Variants in CALN1 observed in about 807,000 individuals in gnomAD.
CALN1 encodes calcium-binding protein 8.
A neutral mutation model predicts 30.6 loss-of-function variants in CALN1; 17 were observed. The observed-to-expected ratio is 0.56, with a 90% CI of 0.38 to 0.83. The LOEUF (loss-of-function observed/expected upper bound fraction) is 0.83, where lower values mean the gene tolerates loss of function less well. Among genes scored for constraint, CALN1 ranks in the 40% least tolerant of loss-of-function variants. The pLI is 0.00. For missense variants in CALN1, 291 were observed against 354.9 expected (o/e 0.82, Z 1.45); for synonymous variants, 156 against 131.4 (o/e 1.19, Z -1.28).
At chr7:71,801,428 G>GTATCTATCTATCTATC (rs58500083) in intron 6 of CALN1, among the ~76,000 whole-genome samples, 1,667 of 87,644 alleles carry the variant, frequency 0.019, 35 homozygotes, top group Middle Eastern at 0.025. Context: ...ATGTATGTAT[G>GTATCTATCTATCTATC]TATCTATCTA....
At chr7:71,810,099 A>G (rs898248161) in intron 6 of CALN1, among the ~76,000 whole-genome samples, 3 of 152,144 alleles carry the variant, frequency 2.0e-5, no homozygotes, top group African/African-American at 4.8e-5. Flanking sequence ...GCCTTGAGAG[A>G]AAAGACAGGG....
chr7:72,001,710 T>A (rs1450120891), intron 5 of CALN1, among the ~76,000 whole-genome samples: 1 of 152,146 alleles, frequency 6.6e-6, no homozygotes, highest in African/African-American at 2.4e-5. Context: ...TTTGCCTCAG[T>A]CTCTCACTCT....
chr7:72,246,332 G>A (rs2129551669), intron 3 of CALN1, among the ~76,000 whole-genome samples: 1 of 152,180 alleles, frequency 6.6e-6, no homozygotes, highest in Non-Finnish European at 1.5e-5. Flanking sequence ...TGAGGGGTGA[G>A]GGCTCCTGCA....
At chr7:71,944,484 C>CTTGGGAGGCTGAGGCAGGAGAATCG (rs1181794069) in intron 5 of CALN1, among the ~76,000 whole-genome samples, 180 of 147,598 alleles carry the variant, frequency 1.2e-3, no homozygotes, top group African/African-American at 4.4e-3. Flanking sequence ...ATCCCAGCTA[C>CTTGGGAGGCTGAGGCAGGAGAATCG]TTGGGAGGCT....
At chr7:72,336,778 C>T (rs1339784768) in intron 2 of CALN1, 2 of 985,084 alleles carry the variant, frequency 2.0e-6, no homozygotes, top group East Asian at 1.1e-4. Flanking sequence ...CCTCCGAGGC[C>T]CGCAGGGAGG....
At chr7:71,894,964 C>A (rs913423760) in intron 5 of CALN1, among the ~76,000 whole-genome samples, 1 of 151,978 alleles carries the variant, frequency 6.6e-6, no homozygotes, top group Non-Finnish European at 1.5e-5. Context: ...ATTTCATTTT[C>A]TTTTTTTGGA....
At chr7:71,968,511 C>T (rs1367591797) in intron 5 of CALN1, among the ~76,000 whole-genome samples, 3 of 151,934 alleles carry the variant, frequency 2.0e-5, no homozygotes, top group Non-Finnish European at 4.4e-5. Context: ...GCTAACTGCA[C>T]CCTCCGCCTG....
intron 3 of CALN1, among the ~76,000 whole-genome samples, chr7:72,126,179 A>T (rs1299217247): frequency 6.6e-6 from 1 of 152,092 alleles, no homozygotes; most frequent in South Asian, 2.1e-4. Context: ...TTGGTTTTCC[A>T]TTCCTGAGTT....
At chr7:72,207,313 C>T (rs1382876286) in intron 3 of CALN1, among the ~76,000 whole-genome samples, 1 of 152,156 alleles carries the variant, frequency 6.6e-6, no homozygotes, top group Non-Finnish European at 1.5e-5. Context: ...TGGATCTTCC[C>T]ATGGCAAATG....
the CALN1 span, among the ~76,000 whole-genome samples, chr7:72,452,198 G>A: frequency 6.6e-6 from 1 of 152,062 alleles, no homozygotes; most frequent in Non-Finnish European, 1.5e-5. Context: ...GGTTATTAGA[G>A]AACTGGAGGG....
At chr7:72,080,603 G>A (rs1351871905) in intron 4 of CALN1, among the ~76,000 whole-genome samples, 1 of 152,176 alleles carries the variant, frequency 6.6e-6, no homozygotes, top group Non-Finnish European at 1.5e-5. Flanking sequence ...AGTGTACTGT[G>A]CCCTGGGGTA....
At chr7:72,103,765 G>T (rs535681849) in intron 4 of CALN1, among the ~76,000 whole-genome samples, 20 of 152,196 alleles carry the variant, frequency 1.3e-4, no homozygotes, top group South Asian at 6.2e-4. Flanking sequence ...AAATGGAGGG[G>T]GGGGGAAGGA....
At chr7:72,186,885 C>CTT (rs34604151) in intron 3 of CALN1, among the ~76,000 whole-genome samples, 8 of 61,318 alleles carry the variant, frequency 1.3e-4, no homozygotes, top group African/African-American at 2.4e-4. Context: ...GAGTGCAGAG[C>CTT]TTTTTTTTTT....
intron 4 of CALN1, among the ~76,000 whole-genome samples, chr7:72,030,615 C>CT (rs1175949436): frequency 3.9e-5 from 6 of 152,186 alleles, no homozygotes; most frequent in Non-Finnish European, 5.9e-5. Flanking sequence ...AGGTTTTACA[C>CT]TAAGTCCCTA....
intron 5 of CALN1, among the ~76,000 whole-genome samples, chr7:71,906,447 A>T (rs1272012378): frequency 6.6e-6 from 1 of 152,188 alleles, no homozygotes; most frequent in Admixed American, 6.5e-5. Flanking sequence ...TAGTCACTAG[A>T]GTTGCAAAAT....
At chr7:72,246,753 A>ATTTTTTTT (rs58282615) in intron 3 of CALN1, among the ~76,000 whole-genome samples, 7,585 of 116,120 alleles carry the variant, frequency 0.065, 541 homozygotes, top group Non-Finnish European at 0.099. Context: ...TACCAGAACA[A>ATTTTTTTT]TTTTTTTTTT....
At chr7:72,117,512 G>T (rs947798693) in intron 3 of CALN1, among the ~76,000 whole-genome samples, 1 of 152,080 alleles carries the variant, frequency 6.6e-6, no homozygotes, top group Non-Finnish European at 1.5e-5. Context: ...GAAAGGGAAG[G>T]GATATAACAA....
At chr7:71,919,711 A>G (rs1192146958) in intron 5 of CALN1, among the ~76,000 whole-genome samples, 2 of 152,198 alleles carry the variant, frequency 1.3e-5, no homozygotes, top group African/African-American at 4.8e-5. Flanking sequence ...GGTGGAGTAA[A>G]GAGAGTGCAT....
intron 5 of CALN1, among the ~76,000 whole-genome samples, chr7:71,846,971 T>G (rs1191874100): frequency 2.7e-5 from 4 of 147,944 alleles, no homozygotes; most frequent in Non-Finnish European, 5.9e-5. Context: ...TATACACACA[T>G]ATATACACAT....
Sources: allele counts gnomAD v4.1 joint callset (sites outside exome capture counted in the v4.1 genomes callset), GRCh38; gene constraint gnomAD v4.1.1; transcripts MANE v1.5; gene names NCBI Gene and HGNC (gene_info 2026-07-23, HGNC 2026-07-21).